The following EXT1 variants were observed in gnomAD, a reference collection of about 807,000 sequenced individuals.
EXT1 encodes the protein exostosin-1.
EXT1 carries 20 observed loss-of-function variants against 82.5 expected under a neutral mutation model. The observed-to-expected ratio is 0.24, with a 90% CI of 0.17 to 0.35. The LOEUF (loss-of-function observed/expected upper bound fraction) is 0.35, where lower values mean the gene tolerates loss of function less well. Among genes scored for constraint, EXT1 ranks in the 10% least tolerant of loss-of-function variants. EXT1 has a pLI of 1.00. For missense variants in EXT1, 757 were observed against 936.5 expected, an observed-to-expected ratio of 0.81 and a Z score of 2.50; for synonymous variants, 348 against 350.8, an observed-to-expected ratio of 0.99 and a Z score of 0.09.
intron 1 of EXT1, among the ~76,000 whole-genome samples, chr8:117,853,683 T>C (rs537279058): frequency 5.9e-5 from 9 of 152,232 alleles, no homozygotes; most frequent in Admixed American, 4.6e-4. Flanking sequence ...CCTGGAAACC[T>C]GGCAACTCAC....
chr8:118,014,667 T>C (rs1036871500), intron 1 of EXT1, among the ~76,000 whole-genome samples: 1 of 152,128 alleles, frequency 6.6e-6, no homozygotes, highest in Non-Finnish European at 1.5e-5. Flanking sequence ...CTTAAATGCC[T>C]GGGCTCAAGT....
At chr8:117,885,663 C>T (rs572008160) in intron 1 of EXT1, among the ~76,000 whole-genome samples, 1 of 152,304 alleles carries the variant, frequency 6.6e-6, no homozygotes, top group East Asian at 1.9e-4. Context: ...TCAAGAGACT[C>T]CTACCAACTT....
chr8:118,053,306 T>C (rs1349567740), intron 1 of EXT1, among the ~76,000 whole-genome samples: 5 of 152,138 alleles, frequency 3.3e-5, no homozygotes, highest in Non-Finnish European at 7.4e-5. Context: ...CTTCGGCCAA[T>C]GTCCCTCTCA....
chr8:118,031,456 C>T (rs915656982), intron 1 of EXT1, among the ~76,000 whole-genome samples: 1 of 151,178 alleles, frequency 6.6e-6, no homozygotes, highest in Admixed American at 6.6e-5. Context: ...ACCTGCAAGG[C>T]GGAGGTTGCA....
intron 1 of EXT1, among the ~76,000 whole-genome samples, chr8:117,973,925 G>A (rs1815010418): frequency 7.2e-6 from 1 of 139,012 alleles, no homozygotes; most frequent in Non-Finnish European, 1.5e-5. Context: ...AAGAAAGGCA[G>A]AAAGCAAGGA....
chr8:118,066,505 C>T (rs953865505), intron 1 of EXT1, among the ~76,000 whole-genome samples: 9 of 150,650 alleles, frequency 6.0e-5, no homozygotes, highest in South Asian at 2.1e-4. Flanking sequence ...ATTACAGGTG[C>T]GCACCACCCA....
chr8:118,043,474 C>T (rs1728009376), intron 1 of EXT1, among the ~76,000 whole-genome samples: 1 of 152,214 alleles, frequency 6.6e-6, no homozygotes, highest in South Asian at 2.1e-4. Flanking sequence ...AATGCCATCA[C>T]ATGTGACTTT....
chr8:117,983,582 A>G (rs1253706628), intron 1 of EXT1, among the ~76,000 whole-genome samples: 1 of 152,212 alleles, frequency 6.6e-6, no homozygotes, highest in Non-Finnish European at 1.5e-5. Context: ...ACATCATCCA[A>G]CACTTACAAT....
intron 1 of EXT1, among the ~76,000 whole-genome samples, chr8:118,020,704 AGAG>A (rs996622526): frequency 1.3e-5 from 2 of 152,188 alleles, no homozygotes; most frequent in Admixed American, 1.3e-4. Flanking sequence ...CGGATGAAGG[AGAG>A]GAGATCTCAG....
chr8:117,799,798 G>C lies in EXT1; in HGVS notation c.2155C>G (p.His719Asp), dbSNP rs1364578501. 13 of 1,614,068 alleles carry C rather than the reference G, an allele frequency of 8.1e-6. No individual in the cohort carries two copies. The change falls in exon 11 of 11, where the codon CAC becomes GAC. Residue 719 changes from histidine (H) to aspartate (D), a missense_variant. Physicochemically the swap from His to Asp is moderately conservative, Grantham distance 81 (BLOSUM62 -1). This residue lies in a region of EXT1 where 128 missense variants were observed against 223.2 expected (regional missense o/e 0.57). Coordinates refer to ENST00000378204, the MANE Select transcript of EXT1 (RefSeq NM_000127.3). ...ASWFGYMPLI[H>D]SQMRLDPVLF... Reference sequence around the variant, plus strand: ...ACGGGGTCGAGCCTCATCTGAGAGTGGATCAGCGGCATGTAGCCAAACCAG... The same window carrying C: ...ACGGGGTCGAGCCTCATCTGAGAGTCGATCAGCGGCATGTAGCCAAACCAG...
intron 1 of EXT1, among the ~76,000 whole-genome samples, chr8:118,093,465 C>G (rs1402219152): frequency 6.6e-6 from 1 of 152,042 alleles, no homozygotes; most frequent in Non-Finnish European, 1.5e-5. Context: ...TCTTTTTGAA[C>G]AGTGGATGTT....
chr8:117,801,552 C>T (rs1194553013), intron 10 of EXT1, among the ~76,000 whole-genome samples: 1 of 151,904 alleles, frequency 6.6e-6, no homozygotes, highest in Non-Finnish European at 1.5e-5. Flanking sequence ...GTCACGCAGG[C>T]TGGAGTGCGG....
At chr8:117,896,989 T>A (rs4339678) in intron 1 of EXT1, among the ~76,000 whole-genome samples, 123,393 of 152,014 alleles carry the variant, frequency 0.81, 50,223 homozygotes, top group Non-Finnish European at 0.85. Flanking sequence ...CTTGCTCAGC[T>A]TCCTCCCTGC....
chr8:118,010,589 T>C (rs1815879356), intron 1 of EXT1, among the ~76,000 whole-genome samples: 1 of 152,248 alleles, frequency 6.6e-6, no homozygotes, highest in East Asian at 1.9e-4. Flanking sequence ...TCTCAGCTAA[T>C]TAAAAGAAGC....
chr8:117,937,411 C>T (rs942758019), intron 1 of EXT1, among the ~76,000 whole-genome samples: 8 of 152,228 alleles, frequency 5.3e-5, no homozygotes, highest in Admixed American at 1.3e-4. Context: ...TCTACACAGA[C>T]GCTCCATGGC....
At position 118,007,809 on chromosome 8, in the gene EXT1, G is replaced by A. The variant is rs534545914; in HGVS notation, c.962+102276C>T. Among the ~76,000 whole-genome samples, 3 of 152,254 alleles carry A rather than the reference G, an allele frequency of 2.0e-5. No individual in the cohort carries two copies. In the South Asian group the frequency reaches 6.2e-4, roughly 32 times the overall value. On this transcript the variant is annotated intron_variant, in intron 1 of 10. Coordinates refer to ENST00000378204, the MANE Select transcript of EXT1 (RefSeq NM_000127.3). ...GAAAGAAAAAAATGAATAAACTAAA[G>A]TGTAATATGCTTCAGTTGTGTAAGG...
intron 1 of EXT1, among the ~76,000 whole-genome samples, chr8:117,954,168 C>T (rs980568330): frequency 2.0e-5 from 3 of 152,146 alleles, no homozygotes. Context: ...TTGCTTGACC[C>T]GCGACTAATG....
chr8:117,848,098 A>G (rs774946410), intron 1 of EXT1, among the ~76,000 whole-genome samples: 3 of 152,208 alleles, frequency 2.0e-5, no homozygotes, highest in Admixed American at 6.5e-5. Flanking sequence ...AAAAAATTCT[A>G]GAACACCCAA....
intron 1 of EXT1, among the ~76,000 whole-genome samples, chr8:117,975,218 T>C (rs1020930597): frequency 5.3e-5 from 8 of 152,186 alleles, no homozygotes; most frequent in Non-Finnish European, 1.0e-4. Context: ...AGGAGACAAA[T>C]CTGGTGAGCG....
Sources: allele counts gnomAD v4.1 joint callset (sites outside exome capture counted in the v4.1 genomes callset), GRCh38; gene constraint gnomAD v4.1.1; regional missense constraint gnomAD v4.1.1; transcripts MANE v1.5; gene names NCBI Gene and HGNC (gene_info 2026-07-23, HGNC 2026-07-21).